Variants in NTM observed in about 807,000 individuals in gnomAD.
NTM encodes IgLON family member 2.
In NTM, 13 loss-of-function variants were observed where a neutral mutation model predicts 42.1. That is an observed-to-expected ratio of 0.31 (90% CI 0.20 to 0.49). The LOEUF (loss-of-function observed/expected upper bound fraction) is 0.49, where lower values mean the gene tolerates loss of function less well. NTM is among the 20% of genes least tolerant of loss of function. The pLI is 0.99. For missense variants in NTM, 373 were observed against 452.8 expected (o/e 0.82, Z 1.60); for synonymous variants, 187 against 179.2 (o/e 1.04, Z -0.35).
chr11:132,239,075 C>A (rs1386019021), intron 4 of NTM, among the ~76,000 whole-genome samples: 4 of 152,156 alleles, frequency 2.6e-5, no homozygotes, highest in African/African-American at 7.2e-5. Flanking sequence ...ACAAAAACTT[C>A]TCAGAAAGAA....
At chr11:131,984,683 C>G (rs539022201) in intron 2 of NTM, 28 of 152,274 alleles carry the variant, frequency 1.8e-4, no homozygotes, top group African/African-American at 6.3e-4. Context: ...AAAGGAAAAT[C>G]ATAGTTTTTC....
At chr11:131,791,455 A>G (rs79435334) in intron 1 of NTM, among the ~76,000 whole-genome samples, 1 of 152,178 alleles carries the variant, frequency 6.6e-6, no homozygotes, top group Admixed American at 6.5e-5. Context: ...AGAGAAATCC[A>G]CATATCACGG....
At chr11:131,746,043 G>A (rs2081778863) in intron 1 of NTM, among the ~76,000 whole-genome samples, 3 of 152,050 alleles carry the variant, frequency 2.0e-5, no homozygotes, top group Admixed American at 6.6e-5. Context: ...GGGAGGCAGG[G>A]GTGTTCCCAA....
At chr11:131,916,613 C>T (rs1022439174) in intron 2 of NTM, among the ~76,000 whole-genome samples, 12 of 152,116 alleles carry the variant, frequency 7.9e-5, no homozygotes, top group Admixed American at 6.5e-5. Flanking sequence ...AAGGAAGCTG[C>T]GGCACTTTGC....
intron 1 of NTM, among the ~76,000 whole-genome samples, chr11:131,784,753 A>G (rs567781555): frequency 6.6e-6 from 1 of 152,376 alleles, no homozygotes; most frequent in East Asian, 1.9e-4. Flanking sequence ...GTCGCATTTT[A>G]TCACGTGCAA....
intron 7 of NTM, chr11:132,314,963 AAGT>A: frequency 8.3e-7 from 1 of 1,201,384 alleles, no homozygotes; most frequent in Non-Finnish European, 1.0e-6. Flanking sequence ...ACATGTATAA[AAGT>A]AGATCTCAGA....
chr11:131,441,184 G>T (rs907130944), intron 1 of NTM, among the ~76,000 whole-genome samples: 3 of 152,134 alleles, frequency 2.0e-5, no homozygotes, highest in African/African-American at 7.2e-5. Context: ...ATTAAGCACA[G>T]CTCTTTTTGG....
intron 1 of NTM, among the ~76,000 whole-genome samples, chr11:131,413,766 G>C (rs959384207): frequency 6.6e-6 from 1 of 152,196 alleles, no homozygotes; most frequent in Non-Finnish European, 1.5e-5. Flanking sequence ...TGGGCAGCAG[G>C]TTCCTGGCAG....
intron 1 of NTM, among the ~76,000 whole-genome samples, chr11:131,380,422 G>C (rs1334581617): frequency 6.6e-6 from 1 of 151,910 alleles, no homozygotes; most frequent in Non-Finnish European, 1.5e-5. Flanking sequence ...TGTTGGTCAG[G>C]CTGGTCTTGA....
chr11:131,482,555 T>C (rs1953720254), intron 1 of NTM, among the ~76,000 whole-genome samples: 1 of 152,136 alleles, frequency 6.6e-6, no homozygotes, highest in African/African-American at 2.4e-5. Flanking sequence ...CCTCCCTCCA[T>C]CATATTTGAT....
intron 1 of NTM, among the ~76,000 whole-genome samples, chr11:131,514,697 G>C (rs1280272210): frequency 1.3e-5 from 2 of 151,864 alleles, no homozygotes; most frequent in Non-Finnish European, 2.9e-5. Context: ...TCCCACCTCA[G>C]CCTCCCAAGT....
chr11:132,264,919 G>T (rs2093086490), intron 4 of NTM, among the ~76,000 whole-genome samples: 2 of 152,082 alleles, frequency 1.3e-5, no homozygotes, highest in South Asian at 2.1e-4. Context: ...ATAAAGCTGT[G>T]CCTGTCCCAC....
At chr11:132,071,419 C>G (rs1158819685) in intron 2 of NTM, among the ~76,000 whole-genome samples, 2 of 152,142 alleles carry the variant, frequency 1.3e-5, no homozygotes, top group Admixed American at 1.3e-4. Context: ...TAACACGTCA[C>G]ACTGACCACC....
chr11:132,305,600 A>C (rs762228503), intron 4 of NTM, among the ~76,000 whole-genome samples: 1 of 152,246 alleles, frequency 6.6e-6, no homozygotes, highest in Non-Finnish European at 1.5e-5. Flanking sequence ...TGCTTGGCAC[A>C]GTAATTATAG....
intron 1 of NTM, among the ~76,000 whole-genome samples, chr11:131,802,576 C>T (rs561621506): frequency 1.7e-3 from 253 of 152,226 alleles, no homozygotes; most frequent in Non-Finnish European, 2.9e-3. Flanking sequence ...GTAAGTGATG[C>T]GTGGGGGTTA....
chr11:131,386,701 G>C (rs576797207), intron 1 of NTM, among the ~76,000 whole-genome samples: 2 of 152,336 alleles, frequency 1.3e-5, no homozygotes, highest in East Asian at 3.9e-4. Context: ...TTTTCCAAGA[G>C]AGCAAAAAGG....
chr11:131,772,775 T>A (rs1333874008), intron 1 of NTM, among the ~76,000 whole-genome samples: 1 of 152,192 alleles, frequency 6.6e-6, no homozygotes, highest in Non-Finnish European at 1.5e-5. Context: ...AAATTGGTGA[T>A]AATTTGTTTT....
intron 3 of NTM, among the ~76,000 whole-genome samples, chr11:132,163,982 C>T (rs1321122593): frequency 6.6e-6 from 1 of 151,994 alleles, no homozygotes; most frequent in Admixed American, 6.6e-5. Flanking sequence ...AAACATGAAA[C>T]TGAAGAGGTT....
chr11:132,278,232 T>C (rs949037629), intron 4 of NTM, among the ~76,000 whole-genome samples: 4 of 152,238 alleles, frequency 2.6e-5, no homozygotes, highest in African/African-American at 9.6e-5. Flanking sequence ...CAAGCTTTGC[T>C]GTGTAAACCA....
Sources: allele counts gnomAD v4.1 joint callset (sites outside exome capture counted in the v4.1 genomes callset), GRCh38; gene constraint gnomAD v4.1.1; transcripts MANE v1.5; gene names NCBI Gene and HGNC (gene_info 2026-07-23, HGNC 2026-07-21).